The following WDR27 variants were observed in gnomAD, a reference collection of about 807,000 sequenced individuals.
The protein encoded by WDR27 is WD repeat domain 27.
A neutral mutation model predicts 114.4 loss-of-function variants in WDR27; 100 were observed. The ratio of observed to expected loss-of-function variants is 0.87; its 90% CI spans 0.74 to 1.03. The LOEUF is 1.03. Among genes scored for constraint, WDR27 ranks in the 50% least tolerant of loss-of-function variants. The pLI is 0.00. For synonymous variants in WDR27, 449 were observed against 423.1 expected (o/e 1.06, Z -0.75); for missense variants, 1,129 against 1,092.9 (o/e 1.03, Z -0.47).
intron 18 of WDR27, among the ~76,000 whole-genome samples, chr6:169,638,033 T>TCAATAAC (rs1554334235): frequency 1.9e-4 from 26 of 137,612 alleles, no homozygotes; most frequent in African/African-American, 2.8e-4. Context: ...AAGAAACTAA[T>TCAATAAC]TGGCCGGGCG....
chr6:169,614,109 G>A (rs943515196), intron 21 of WDR27, among the ~76,000 whole-genome samples: 4 of 152,090 alleles, frequency 2.6e-5, no homozygotes, highest in Non-Finnish European at 2.9e-5. Context: ...GAACTCCCAC[G>A]GGGCCTCGAG....
chr6:169,683,443 A>G (rs1782059276), intron 2 of WDR27, among the ~76,000 whole-genome samples: 1 of 152,168 alleles, frequency 6.6e-6, no homozygotes, highest in Non-Finnish European at 1.5e-5. Flanking sequence ...AATCAAGCAT[A>G]CTGTACCTGG....
chr6:169,590,871 C>T (rs981990921), intron 23 of WDR27, among the ~76,000 whole-genome samples: 2 of 152,186 alleles, frequency 1.3e-5, no homozygotes, highest in Non-Finnish European at 2.9e-5. Context: ...CTCCATGTTC[C>T]TTATCCATTC....
At chr6:169,462,761 G>A (rs1192823499) in intron 25 of WDR27, among the ~76,000 whole-genome samples, 1 of 152,096 alleles carries the variant, frequency 6.6e-6, no homozygotes, top group African/African-American at 2.4e-5. Flanking sequence ...AAATGATTAT[G>A]CATCAAGACA....
chr6:169,670,386 A>C, intron 4 of WDR27, 183 bp downstream of exon 4: 1 of 556,312 alleles, frequency 1.8e-6, no homozygotes, highest in Non-Finnish European at 3.0e-6. Flanking sequence ...TTGCTATCTG[A>C]TACCAGTGGT....
At chr6:169,568,751 T>C (rs1395408478) in intron 25 of WDR27, among the ~76,000 whole-genome samples, 3 of 152,224 alleles carry the variant, frequency 2.0e-5, no homozygotes, top group African/African-American at 7.2e-5. Flanking sequence ...TAAGGGGCCA[T>C]GCAACACCTG....
chr6:169,447,048 A>G, the WDR27 span, among the ~76,000 whole-genome samples: 1 of 152,234 alleles, frequency 6.6e-6, no homozygotes, highest in Non-Finnish European at 1.5e-5. Flanking sequence ...GATAATGCAA[A>G]AAGATTTCCA....
chr6:169,541,018 T>C (rs1796772647), intron 25 of WDR27, among the ~76,000 whole-genome samples: 1 of 152,178 alleles, frequency 6.6e-6, no homozygotes, highest in African/African-American at 2.4e-5. Flanking sequence ...TTCAATTTAA[T>C]TGGTTGTTTT....
chr6:169,537,847 T>C (rs1332425440), intron 25 of WDR27, among the ~76,000 whole-genome samples: 2 of 151,956 alleles, frequency 1.3e-5, no homozygotes, highest in African/African-American at 4.8e-5. Flanking sequence ...TGGCAAGAAA[T>C]AGAAGGGTTT....
chr6:169,666,285 C>CCAT lies in WDR27; in HGVS notation c.713-730_713-729insATG, dbSNP rs1205301450. On this transcript the variant is annotated intron_variant, in intron 6 of 25. Transcript: ENST00000448612. ...AGAAAGCAATGTTTTTAAGTCATTA[C>CCAT]AGCACCATAGTCCACACATGGATAC... is the stretch of plus-strand genomic sequence containing the variant. 3.9e-5 allele frequency: 26 copies of CCAT among 673,092 alleles called. No individual in the cohort carries two copies. In the East Asian group the frequency reaches 1.1e-3, roughly 29 times the overall value. The allele number at this position is 673,092 out of a possible 1,614,324, so 41.7% of individuals were successfully genotyped here. A position where few individuals can be genotyped will look rare whatever the true frequency, so the allele number is the denominator to read the frequency against.
At chr6:169,690,461 A>G (rs1430268724) in intron 1 of WDR27, among the ~76,000 whole-genome samples, 1 of 151,982 alleles carries the variant, frequency 6.6e-6, no homozygotes, top group East Asian at 1.9e-4. Flanking sequence ...TTCATGTTCC[A>G]TTCCTCCTCA....
At chr6:169,601,492 C>A (rs1360592477) in intron 23 of WDR27, among the ~76,000 whole-genome samples, 1 of 152,200 alleles carries the variant, frequency 6.6e-6, no homozygotes, top group East Asian at 1.9e-4. Flanking sequence ...AATACCACTA[C>A]TAAAAACAGA....
intron 25 of WDR27, among the ~76,000 whole-genome samples, chr6:169,555,088 T>C (rs1798687063): frequency 6.6e-6 from 1 of 152,188 alleles, no homozygotes; most frequent in South Asian, 2.1e-4. Context: ...AGAATAAAAA[T>C]GAAAAACTAT....
At position 169,659,590 on chromosome 6, in the gene WDR27, A is replaced by G; in HGVS notation, c.1130-72T>C. The G allele has an allele frequency of 6.9e-7, 1 of 1,442,176 alleles. No homozygotes were observed. Among genetic ancestry groups the G allele is most frequent in the Non-Finnish European group, 9.5e-7 (1 of 1,050,296 alleles). The allele number at this position is 1,442,176 out of a possible 1,614,324, so 89.3% of individuals were successfully genotyped here. A position where few individuals can be genotyped will look rare whatever the true frequency, so the allele number is the denominator to read the frequency against. The stretch of plus-strand genomic sequence containing the variant: ...GCACATACACACGGAGTCACTGCCC[A>G]GAGCCCACCACACACAGCCCAGAGC... On this transcript the variant is annotated intron_variant, in intron 10 of 25. Coordinates refer to ENST00000448612, the MANE Select transcript of WDR27 (RefSeq NM_182552.5). This position sits in a 1 kb window ranked among gnomAD's most constrained non-coding sequence, Gnocchi z 4.3.
intron 25 of WDR27, among the ~76,000 whole-genome samples, chr6:169,517,891 C>T (rs1256525196): frequency 6.6e-6 from 1 of 152,232 alleles, no homozygotes; most frequent in Admixed American, 6.5e-5. Flanking sequence ...AATTGTCTCT[C>T]TGTCTTTTGG....
intron 13 of WDR27, among the ~76,000 whole-genome samples, chr6:169,654,757 G>A (rs1410194463): frequency 6.6e-6 from 1 of 151,898 alleles, no homozygotes; most frequent in Non-Finnish European, 1.5e-5. Flanking sequence ...ACAGGGTTAG[G>A]CGGCGCGCAC....
intron 21 of WDR27, among the ~76,000 whole-genome samples, chr6:169,624,930 C>A (rs1814404934): frequency 6.6e-6 from 1 of 152,238 alleles, no homozygotes. Context: ...GTCCCACAGC[C>A]TGGCTGGGCA....
At chr6:169,576,011 C>T (rs1371288804) in intron 24 of WDR27, among the ~76,000 whole-genome samples, 1 of 152,174 alleles carries the variant, frequency 6.6e-6, no homozygotes, top group Non-Finnish European at 1.5e-5. Context: ...ATTTCAGAGA[C>T]GTGTCTGATA....
At chr6:169,670,810 G>C (rs549783163) in intron 3 of WDR27, 117 bp from the exon 4 acceptor site, 1 of 1,331,644 alleles carries the variant, frequency 7.5e-7, no homozygotes, top group South Asian at 1.5e-5. Flanking sequence ...GAATGACAAT[G>C]AGCTTTGATG....
Sources: allele counts gnomAD v4.1 joint callset (sites outside exome capture counted in the v4.1 genomes callset), GRCh38; gene constraint gnomAD v4.1.1; non-coding constraint Gnocchi (gnomAD v3.1); transcripts MANE v1.5; gene names NCBI Gene and HGNC (gene_info 2026-07-23, HGNC 2026-07-21).